The following MRC2 variants were observed in gnomAD, a reference collection of about 807,000 sequenced individuals.
MRC2 encodes C-type mannose receptor 2.
In MRC2, 84 loss-of-function variants were observed where a neutral mutation model predicts 206.2. The observed-to-expected ratio is 0.41, with a 90% CI of 0.34 to 0.49. The LOEUF (loss-of-function observed/expected upper bound fraction) is 0.49. MRC2 is among the 20% of genes least tolerant of loss of function. The pLI is 0.31. For synonymous variants in MRC2, 798 were observed against 800.0 expected (o/e 1.00, Z 0.04); for missense variants, 1,676 against 2,001.5 (o/e 0.84, Z 3.10).
chr17:62,666,065 A>T lies in MRC2; in HGVS notation c.521-29A>T. ...GGCAGCCTCTGGTGTCCAGATGCCA[A>T]GGGCCTGGCCCCTGTCCACCCCCTG... is the stretch of plus-strand genomic sequence containing the variant. On this transcript the variant is annotated intron_variant, in intron 2 of 29. Transcript: ENST00000303375. This position sits in a 1 kb window ranked among gnomAD's most constrained non-coding sequence, Gnocchi z 5.0. 6.4e-7 allele frequency: 1 copy of T among 1,559,702 alleles called. No homozygotes were observed. Among genetic ancestry groups the T allele is most frequent in the African/African-American group, 1.4e-5 (1 of 73,590 alleles).
chr17:62,627,765 C>T lies in MRC2; in HGVS notation c.-38C>T. 1 of 1,359,552 alleles carries T rather than the reference C, an allele frequency of 7.4e-7. No individual in the cohort carries two copies. Among genetic ancestry groups the T allele is most frequent in the Non-Finnish European group, 9.4e-7 (1 of 1,060,332 alleles). The allele number at this position is 1,359,552 out of a possible 1,614,324, so 84.2% of individuals were successfully genotyped here. A position where few individuals can be genotyped will look rare whatever the true frequency, so the allele number is the denominator to read the frequency against. ...TGCCACAGCGCGTTGCGCCTGTGCGCCCTCGGTCCCCGCGTCCACTGAGCG... is the reference window on the plus strand; with the variant it reads ...TGCCACAGCGCGTTGCGCCTGTGCGTCCTCGGTCCCCGCGTCCACTGAGCG... On this transcript the variant is annotated 5_prime_UTR_variant, in exon 1 of 30. Coordinates refer to ENST00000303375, the MANE Select transcript of MRC2 (RefSeq NM_006039.5).
At chr17:62,663,787 G>A (rs2088708664) in intron 1 of MRC2, among the ~76,000 whole-genome samples, 1 of 152,072 alleles carries the variant, frequency 6.6e-6, no homozygotes, top group Non-Finnish European at 1.5e-5. Flanking sequence ...CAGGGGGAAG[G>A]GTGAGACACA....
Position 62,689,647 on chromosome 17 carries a change from G to T in MRC2, c.3460G>T (p.Glu1154Ter), listed in dbSNP as rs775932154. 6.2e-7 allele frequency: 1 copy of T among 1,600,172 alleles called. No homozygotes were observed. The change falls in exon 24 of 30, where the codon GAG becomes TAG. Residue 1154 changes from glutamate (E) to a stop codon, truncating the protein, a stop_gained. Coordinates refer to ENST00000303375, the MANE Select transcript of MRC2 (RefSeq NM_006039.5). LOFTEE classifies it high-confidence loss of function. ...CTGGCACGATGCCCTCCTGCTGTGT[G>T]AGAGCCGCAATGCCAGCCTGGCCTA... ...LRWHDALLLC[E>*]SRNASLAYVP...
intron 1 of MRC2, among the ~76,000 whole-genome samples, chr17:62,632,285 G>A (rs1040784346): frequency 4.6e-5 from 7 of 152,070 alleles, no homozygotes; most frequent in Admixed American, 2.6e-4. Flanking sequence ...GGCCCCTCGT[G>A]GAATTCCACC....
rs79252677 is a variant in MRC2, at chr17:62,642,870, C to G, written c.118+14950C>G. Among the ~76,000 whole-genome samples, 512 of 152,264 alleles carry G rather than the reference C, an allele frequency of 3.4e-3. 3 individuals carry two copies. Among genetic ancestry groups the G allele is most frequent in the African/African-American group, 0.012 (489 of 41,552 alleles). ...AAAACTAGTGCCAAACTGAAAACCACCCAAATGCCCATCAGCGATAGAATG... is the reference window on the plus strand; with the variant it reads ...AAAACTAGTGCCAAACTGAAAACCAGCCAAATGCCCATCAGCGATAGAATG... On this transcript the variant is annotated intron_variant, in intron 1 of 29. Transcript: ENST00000303375.
intron 1 of MRC2, among the ~76,000 whole-genome samples, chr17:62,642,998 A>C (rs1327983344): frequency 6.6e-6 from 1 of 152,174 alleles, no homozygotes; most frequent in Admixed American, 6.6e-5. Context: ...AAACTGAGCC[A>C]GACGCTACTT....
chr17:62,673,599 C>A (rs911817735), intron 8 of MRC2, among the ~76,000 whole-genome samples: 15 of 151,402 alleles, frequency 9.9e-5, no homozygotes, highest in African/African-American at 3.6e-4. Context: ...ACCTCTGCCT[C>A]CCAGGTTCAA....
At chr17:62,631,694 G>T (rs966312777) in intron 1 of MRC2, among the ~76,000 whole-genome samples, 1 of 152,026 alleles carries the variant, frequency 6.6e-6, no homozygotes, top group Non-Finnish European at 1.5e-5. Context: ...CCACTTCCTT[G>T]TGGGTCCAGG....
At position 62,666,046 on chromosome 17, in the gene MRC2, C is replaced by T; in HGVS notation, c.521-48C>T. 2.0e-6 allele frequency: 3 copies of T among 1,534,828 alleles called. No homozygotes were observed. The highest frequency in any genetic ancestry group is 2.6e-6 in the Non-Finnish European group (3 of 1,139,110). ...CCTGAGGGTCGAGGGGCTTGGCAGC[C>T]TCTGGTGTCCAGATGCCAAGGGCCT... On this transcript the variant is annotated intron_variant, in intron 2 of 29. Transcript: ENST00000303375. This position sits in a 1 kb window ranked among gnomAD's most constrained non-coding sequence, Gnocchi z 5.0.
chr17:62,641,665 G>T (rs1001767609), intron 1 of MRC2, among the ~76,000 whole-genome samples: 1 of 152,180 alleles, frequency 6.6e-6, no homozygotes, highest in African/African-American at 2.4e-5. Flanking sequence ...TAGACACAAT[G>T]AAATGTAACA....
intron 18 of MRC2, 35 bp from the exon 19 acceptor site, chr17:62,681,802 G>T: frequency 6.5e-7 from 1 of 1,534,126 alleles, no homozygotes; most frequent in East Asian, 2.3e-5. Context: ...GCTGGGGGCC[G>T]GTGCTGGAGT....
chr17:62,666,624 G>T lies in MRC2; in HGVS notation c.859+5G>T. The T allele has an allele frequency of 6.4e-7, 1 of 1,565,500 alleles. No individual in the cohort carries two copies. Among genetic ancestry groups the T allele is most frequent in the Non-Finnish European group, 8.7e-7 (1 of 1,155,170 alleles). The stretch of plus-strand genomic sequence containing the variant: ...ACGAGCAGACCTACATCAACGGTGA[G>T]CCGGGGCCTGATGCCTGCTCGTGCC... On this transcript the variant is annotated splice_donor_5th_base_variant and intron_variant, in intron 4 of 29. Transcript: ENST00000303375. This position sits in a 1 kb window ranked among gnomAD's most constrained non-coding sequence, Gnocchi z 5.0.
intron 1 of MRC2, among the ~76,000 whole-genome samples, chr17:62,632,146 G>A (rs2084221084): frequency 1.3e-5 from 2 of 152,090 alleles, no homozygotes; most frequent in South Asian, 4.1e-4. Context: ...TTCAGCTAGG[G>A]GTTGTACCAG....
rs1451708456 is a variant in MRC2 at position 62,664,730 on chromosome 17, A to G, written c.301A>G (p.Thr101Ala). 2 of 1,613,946 alleles carry G rather than the reference A, an allele frequency of 1.2e-6. No homozygotes were observed. Among genetic ancestry groups the G allele is most frequent in the South Asian group, 2.2e-5 (2 of 91,092 alleles). Reference sequence around the variant, plus strand: ...GTGCCTGGGCACAGGCTGGCCAGGCACCAACACCACGGCCTCCCTGGGCAT... The same window carrying G: ...GTGCCTGGGCACAGGCTGGCCAGGCGCCAACACCACGGCCTCCCTGGGCAT... ...MQCLGTGWPG[T>A]NTTASLGMYE... Residue 101 changes from threonine to alanine, a missense_variant, in exon 2 of 30, where the codon ACC becomes GCC. By Grantham distance (58) the Thr-to-Ala change is moderately conservative. Coordinates refer to ENST00000303375, the MANE Select transcript of MRC2 (RefSeq NM_006039.5). This position sits in a 1 kb window ranked among gnomAD's most constrained non-coding sequence, Gnocchi z 4.7.
intron 2 of MRC2, among the ~76,000 whole-genome samples, 158 bp from the exon 3 acceptor site, chr17:62,665,936 C>G (rs555939513): frequency 6.6e-6 from 1 of 152,318 alleles, no homozygotes; most frequent in South Asian, 2.1e-4. Context: ...GCAGAAGAAG[C>G]CTTAAAGCCA....
chr17:62,681,440 CG>C, intron 18 of MRC2: 3 of 504,814 alleles, frequency 5.9e-6, no homozygotes, highest in Non-Finnish European at 1.1e-5. Context: ...AAGGCCCTCT[CG>C]GGGAAGTGGG....
At chr17:62,646,039 T>TC (rs1252860621) in intron 1 of MRC2, among the ~76,000 whole-genome samples, 1 of 149,772 alleles carries the variant, frequency 6.7e-6, no homozygotes, top group Admixed American at 6.6e-5. Flanking sequence ...TTTTTTTTTT[T>TC]TTTGAGACGG....
rs143336516 is a variant in MRC2, at chr17:62,648,367, G to A, written c.119-16181G>A. Among the ~76,000 whole-genome samples, 543 of 152,358 alleles carry A rather than the reference G, an allele frequency of 3.6e-3. 6 individuals are homozygous for A. Among genetic ancestry groups the A allele is most frequent in the African/African-American group, 0.013 (527 of 41,586 alleles). On this transcript the variant is annotated intron_variant, in intron 1 of 29. Coordinates refer to ENST00000303375, the MANE Select transcript of MRC2 (RefSeq NM_006039.5). ...TGCGTGACTGCGCAAGGGTCCTGGT[G>A]AGGGTCCCAGGTCAACTCCTCCCGT...
rs1438740537 is a variant in MRC2, at chr17:62,666,173, C to T, written c.600C>T (p.Gly200=). 6.2e-7 allele frequency: 1 copy of T among 1,602,834 alleles called. No homozygotes were observed. The part of the protein sequence containing the change: ...PFKYDNQWFH[G]CTSTGREDGH... The stretch of plus-strand genomic sequence containing the variant: ...AATATGACAACCAGTGGTTCCACGG[C>T]TGCACCAGCACGGGCCGCGAGGATG... Residue 200 remains glycine, a synonymous_variant, in exon 3 of 30, where the codon GGC becomes GGT. Coordinates refer to ENST00000303375, the MANE Select transcript of MRC2 (RefSeq NM_006039.5). The surrounding 1 kb of genome is among the most constrained non-coding windows in gnomAD (Gnocchi z 5.0).
Sources: gnomAD v4.1 joint callset for allele counts (sites outside exome capture counted in the v4.1 genomes callset) on GRCh38, gnomAD v4.1.1 for gene constraint, Gnocchi (gnomAD v3.1) non-coding constraint, MANE v1.5 for transcripts, NCBI Gene and HGNC (gene_info 2026-07-23, HGNC 2026-07-21) for gene names.